ATAD2B: variants seen among roughly 807,000 people sequenced by gnomAD.
ATAD2B encodes the protein ATPase family AAA domain containing 2B, also known as ATPase family AAA domain-containing protein 2B.
A neutral mutation model predicts 167.6 loss-of-function variants in ATAD2B; 40 were observed. That is an observed-to-expected ratio of 0.24 (90% CI 0.19 to 0.31). The LOEUF (loss-of-function observed/expected upper bound fraction) is 0.31. ATAD2B is among the 10% of genes least tolerant of loss of function. The pLI is 1.00. For synonymous variants in ATAD2B, 579 were observed against 596.5 expected, an observed-to-expected ratio of 0.97 and a Z score of 0.43; for missense variants, 1,242 against 1,757.2, an observed-to-expected ratio of 0.71 and a Z score of 5.24.
chr2:23,687,150 G>C, the ATAD2B span, among the ~76,000 whole-genome samples: 2 of 152,166 alleles, frequency 1.3e-5, no homozygotes, highest in Admixed American at 6.5e-5. Flanking sequence ...GTGGCTCCAC[G>C]CTCAGGCAGC....
rs776705561 is a variant in ATAD2B, at chr2:23,798,155, T to G, written c.2623A>C (p.Ser875Arg). The change falls in exon 19 of 28, where the codon AGT becomes CGT. Residue 875 changes from serine to arginine, a missense_variant. Ser to Arg is a moderately radical substitution (Grantham distance 110, BLOSUM62 -1). This residue lies in a region of ATAD2B where 34 missense variants were observed against 101.1 expected (regional missense o/e 0.34). Coordinates refer to ENST00000238789, the MANE Select transcript of ATAD2B (RefSeq NM_017552.4). ...GTTCTTACCTCTTCAGGCAGTTCAC[T>G]GTACATGGTTTCAGAGGTAGACAAT... ...FLLSTSETMYSELPEEVKCIF... is the reference protein window; with the variant it reads ...FLLSTSETMYRELPEEVKCIF... The G allele has an allele frequency of 6.3e-7, 1 of 1,579,816 alleles. No individual in the cohort carries two copies. The highest frequency in any genetic ancestry group is 8.7e-7 in the Non-Finnish European group (1 of 1,155,848).
intron 1 of ATAD2B, among the ~76,000 whole-genome samples, chr2:23,918,227 C>T (rs1382329007): frequency 7.5e-6 from 1 of 134,054 alleles, no homozygotes; most frequent in Non-Finnish European, 1.6e-5. Flanking sequence ...AAAAAAATAG[C>T]CAGGTGTGGT....
chr2:23,850,308 CA>C (rs1692366826), intron 13 of ATAD2B, among the ~76,000 whole-genome samples: 1 of 151,910 alleles, frequency 6.6e-6, no homozygotes, highest in Admixed American at 6.6e-5. Context: ...GAAAAAATGA[CA>C]AGAGGAATTG....
At chr2:23,682,147 G>A in the ATAD2B span, among the ~76,000 whole-genome samples, 98 of 152,172 alleles carry the variant, frequency 6.4e-4, no homozygotes, top group South Asian at 3.3e-3. The surrounding 1 kb of genome is among the most constrained non-coding windows in gnomAD (Gnocchi z 4.1). Context: ...TGAGCCCCAC[G>A]GGGTCCACAC....
the ATAD2B span, chr2:23,691,314 G>A: frequency 1.0e-5 from 3 of 291,978 alleles, no homozygotes; most frequent in South Asian, 3.8e-5. Context: ...GCTGGGATGC[G>A]TCGGCCTGCT....
intron 13 of ATAD2B, among the ~76,000 whole-genome samples, chr2:23,849,870 T>C (rs1002820794): frequency 9.2e-5 from 14 of 152,134 alleles, no homozygotes; most frequent in Non-Finnish European, 1.2e-4. Context: ...ACACTATTAA[T>C]GCCTTGTCTT....
chr2:23,796,369 A>G (rs1193382510), intron 19 of ATAD2B, among the ~76,000 whole-genome samples: 2 of 152,256 alleles, frequency 1.3e-5, no homozygotes, highest in African/African-American at 2.4e-5. Flanking sequence ...TGAATCCATT[A>G]TAAGTTATGA....
rs780228512 is a variant in ATAD2B, at chr2:23,842,133, T to C, written c.1569-8055A>G. ...TCAGGTCATTATTGATATATTTGGG[T>C]TTAAATCTATAATCATATTTTGTGC... On this transcript the variant is annotated intron_variant, in intron 13 of 27. Transcript: ENST00000238789. Among the ~76,000 whole-genome samples the C allele has an allele frequency of 7.8e-4, 118 of 152,214 alleles. 3 individuals are homozygous for C. Among genetic ancestry groups the C allele is most frequent in the Non-Finnish European group, 2.2e-4 (15 of 68,044 alleles).
At chr2:23,792,026 T>A (rs1681816576) in intron 19 of ATAD2B, among the ~76,000 whole-genome samples, 3 of 152,072 alleles carry the variant, frequency 2.0e-5, no homozygotes, top group African/African-American at 7.2e-5. Flanking sequence ...CACATCCTCA[T>A]CAACATTTGT....
chr2:23,696,672 G>A, the ATAD2B span: 7 of 592,962 alleles, frequency 1.2e-5, no homozygotes, highest in East Asian at 2.1e-4. This position sits in a 1 kb window ranked among gnomAD's most constrained non-coding sequence, Gnocchi z 5.5. Flanking sequence ...CACAGCACCG[G>A]GGGCAGCAGG....
chr2:23,894,299 T>C (rs1244353906), intron 2 of ATAD2B, among the ~76,000 whole-genome samples: 2 of 151,886 alleles, frequency 1.3e-5, no homozygotes, highest in African/African-American at 4.8e-5. Context: ...CTGACCAACA[T>C]GGAGAAACCC....
At chr2:23,926,430 G>A (rs1307393444) in intron 1 of ATAD2B, 125 bp downstream of exon 1, 1 of 1,421,378 alleles carries the variant, frequency 7.0e-7, no homozygotes, top group Non-Finnish European at 9.2e-7. Context: ...CGCGCCCGCA[G>A]ACCCTGTCTC....
downstream of ATAD2B, among the ~76,000 whole-genome samples, chr2:23,748,027 A>G (rs1342400789): frequency 1.3e-5 from 2 of 152,172 alleles, no homozygotes; most frequent in Non-Finnish European, 2.9e-5. Flanking sequence ...ATTATTAACA[A>G]TCTTTTGATA....
chr2:23,879,661 G>A (rs1697560453), intron 7 of ATAD2B, among the ~76,000 whole-genome samples: 1 of 151,882 alleles, frequency 6.6e-6, no homozygotes, highest in Non-Finnish European at 1.5e-5. Flanking sequence ...AGCAAAAAAA[G>A]AAAAAGAAAA....
chr2:23,803,601 T>G (rs1231866011), intron 18 of ATAD2B, among the ~76,000 whole-genome samples: 1 of 152,206 alleles, frequency 6.6e-6, no homozygotes, highest in Admixed American at 6.5e-5. Context: ...AGAAAAACAT[T>G]GCTTTTTAAT....
the ATAD2B span, among the ~76,000 whole-genome samples, chr2:23,708,997 C>G: frequency 6.6e-6 from 1 of 152,222 alleles, no homozygotes; most frequent in African/African-American, 2.4e-5. Context: ...AACACACTTT[C>G]TCCAGGAAGA....
intron 13 of ATAD2B, among the ~76,000 whole-genome samples, chr2:23,836,305 A>G (rs528089873): frequency 6.2e-4 from 94 of 152,228 alleles, no homozygotes; most frequent in African/African-American, 2.1e-3. Context: ...AGCAGCTTCC[A>G]CGGCTGCCAC....
chr2:23,917,638 TGAG>T (rs1234408624), intron 1 of ATAD2B, among the ~76,000 whole-genome samples: 1 of 151,890 alleles, frequency 6.6e-6, no homozygotes, highest in African/African-American at 2.4e-5. Context: ...TTAAAAATAC[TGAG>T]AAGAGCCAGG....
At chr2:23,696,608 C>A in the ATAD2B span, 4 of 1,004,980 alleles carry the variant, frequency 4.0e-6, no homozygotes, top group Non-Finnish European at 5.8e-6. The surrounding 1 kb of genome is among the most constrained non-coding windows in gnomAD (Gnocchi z 5.5). Context: ...CACTCAGTGG[C>A]GATGGAGCAG....
Sources: gnomAD v4.1 joint callset for allele counts (sites outside exome capture counted in the v4.1 genomes callset) on GRCh38, gnomAD v4.1.1 for gene constraint, gnomAD v4.1.1 regional missense constraint, Gnocchi (gnomAD v3.1) non-coding constraint, MANE v1.5 for transcripts, NCBI Gene and HGNC (gene_info 2026-07-23, HGNC 2026-07-21) for gene names.